The following GABRA4 variants were observed in gnomAD, a reference collection of about 807,000 sequenced individuals.
GABRA4 encodes the protein gamma-aminobutyric acid type A receptor subunit alpha4, also known as gamma-aminobutyric acid receptor subunit alpha-4.
Under a neutral mutation model 49.7 loss-of-function variants are expected in GABRA4, and 12 were observed. The observed-to-expected ratio is 0.24, with a 90% CI of 0.15 to 0.39. GABRA4 has a LOEUF of 0.39. Ranked by LOEUF, GABRA4 falls within the 10% of genes least tolerant of loss-of-function variation. GABRA4 has a pLI of 1.00. For synonymous variants in GABRA4, 288 were observed against 240.2 expected, an observed-to-expected ratio of 1.20 and a Z score of -1.84; for missense variants, 506 against 686.0, an observed-to-expected ratio of 0.74 and a Z score of 2.93.
At chr4:46,937,265 G>A (rs1460886033) in intron 8 of GABRA4, among the ~76,000 whole-genome samples, 1 of 152,154 alleles carries the variant, frequency 6.6e-6, no homozygotes, top group East Asian at 1.9e-4. Flanking sequence ...AACCCTGTTG[G>A]AACCTTTATC....
intron 8 of GABRA4, among the ~76,000 whole-genome samples, chr4:46,954,023 A>C (rs1392296223): frequency 1.6e-4 from 25 of 152,136 alleles, no homozygotes; most frequent in Admixed American, 1.6e-3. Context: ...CAATTTTCTC[A>C]TCTGTAAAAA....
intron 6 of GABRA4, among the ~76,000 whole-genome samples, chr4:46,973,471 C>T (rs1447507172): frequency 6.6e-6 from 1 of 151,718 alleles, no homozygotes; most frequent in East Asian, 1.9e-4. Flanking sequence ...TCATCTTAGA[C>T]TTGTCAGCCT....
Position 46,922,379 on chromosome 4 carries a change from C to T in GABRA4, c.*5846G>A, listed in dbSNP as rs1371280492. ...CTGTGGGCTGATCTGACTCACCCTC[C>T]CACCACTTCCCACACTGTAGTTCAG... On this transcript the variant is annotated 3_prime_UTR_variant, in exon 9 of 9. Coordinates refer to ENST00000264318, the MANE Select transcript of GABRA4 (RefSeq NM_000809.4). 6.6e-6 allele frequency: 1 copy of T among 152,068 alleles called. No individual in the cohort carries two copies. Among genetic ancestry groups the T allele is most frequent in the Admixed American group, 6.6e-5 (1 of 15,246 alleles). 9.4% of individuals were successfully genotyped at this position (152,068 alleles called of 1,614,324 possible).
Position 46,928,355 on chromosome 4 carries a change from C to G in GABRA4, c.1535G>C (p.Gly512Ala). 6.2e-7 allele frequency: 1 copy of G among 1,613,530 alleles called. No individual in the cohort carries two copies. The highest frequency in any genetic ancestry group is 8.5e-7 in the Non-Finnish European group (1 of 1,179,648). The change falls in exon 9 of 9, where the codon GGA becomes GCA. Residue 512 changes from glycine (G) to alanine (A), a missense_variant. Coordinates refer to ENST00000264318, the MANE Select transcript of GABRA4 (RefSeq NM_000809.4). ...TTTGTCTATTTTACTTGTGCCAGAT[C>G]CAGAAGGTGGTGGAGCCGATGGAGG... Reference protein sequence around the residue: ...TPPPSAPPPSGSGTSKIDKYA... With the variant: ...TPPPSAPPPSASGTSKIDKYA...
chr4:46,990,982 C>T (rs1290474527), intron 2 of GABRA4, among the ~76,000 whole-genome samples: 3 of 152,270 alleles, frequency 2.0e-5, no homozygotes, highest in Non-Finnish European at 4.4e-5. Context: ...AGTTCGAGAC[C>T]AGCCTGGCCA....
chr4:46,959,896 T>C (rs1362366902), intron 8 of GABRA4, among the ~76,000 whole-genome samples: 1 of 150,348 alleles, frequency 6.7e-6, no homozygotes, highest in Non-Finnish European at 1.5e-5. Flanking sequence ...TACGTGGACC[T>C]ACAGCAATCC....
At chr4:46,992,752 T>G (rs1392523204) in intron 2 of GABRA4, 76 bp downstream of exon 2, 2 of 1,043,288 alleles carry the variant, frequency 1.9e-6, no homozygotes, top group Non-Finnish European at 3.0e-6. Flanking sequence ...CCTAATGATA[T>G]TCCCACAGAC....
At chr4:46,952,434 A>T (rs1317702972) in intron 8 of GABRA4, among the ~76,000 whole-genome samples, 1 of 152,088 alleles carries the variant, frequency 6.6e-6, no homozygotes, top group Non-Finnish European at 1.5e-5. Flanking sequence ...ACTGTTGCAA[A>T]ATTGATCAAA....
intron 8 of GABRA4, among the ~76,000 whole-genome samples, chr4:46,960,695 T>A (rs1722544947): frequency 6.6e-6 from 1 of 151,560 alleles, no homozygotes; most frequent in Admixed American, 6.6e-5. Flanking sequence ...ATATTACATA[T>A]CTAAAGGTAT....
intron 8 of GABRA4, among the ~76,000 whole-genome samples, chr4:46,949,294 A>C (rs918372042): frequency 1.3e-5 from 2 of 152,162 alleles, no homozygotes; most frequent in African/African-American, 4.8e-5. Flanking sequence ...TATGTCTATT[A>C]CAGTCACATA....
At chr4:46,958,599 G>A (rs1443839883) in intron 8 of GABRA4, among the ~76,000 whole-genome samples, 1 of 151,840 alleles carries the variant, frequency 6.6e-6, no homozygotes, top group Non-Finnish European at 1.5e-5. Flanking sequence ...TAAGAACAGG[G>A]ACAAATGCAG....
At chr4:46,973,637 A>T (rs1378990233) in intron 6 of GABRA4, among the ~76,000 whole-genome samples, 1 of 151,878 alleles carries the variant, frequency 6.6e-6, no homozygotes, top group Admixed American at 6.6e-5. Context: ...AGCAATAATC[A>T]GCTAATTTTT....
chr4:46,979,232 A>T, intron 2 of GABRA4, 134 bp from the exon 3 acceptor site: 1 of 612,708 alleles, frequency 1.6e-6, no homozygotes, highest in South Asian at 2.2e-5. Context: ...TCAGTGAGAT[A>T]ATGAATCTCT....
rs1273404039 is a variant in GABRA4, at chr4:46,923,728, G to C, written c.*4497C>G. ...GCTTTCTCTAAAACAGAAAAATAAG[G>C]ATGTTAGTTTTCATCGTATTATTCT... On this transcript the variant is annotated 3_prime_UTR_variant, in exon 9 of 9. Coordinates refer to ENST00000264318, the MANE Select transcript of GABRA4 (RefSeq NM_000809.4). The C allele has an allele frequency of 1.3e-5, 2 of 151,944 alleles. No homozygotes were observed. The highest frequency in any genetic ancestry group is 4.2e-4 in the South Asian group (2 of 4,810). 9.4% of individuals were successfully genotyped at this position (151,944 alleles called of 1,614,324 possible). A position where few individuals can be genotyped will look rare whatever the true frequency, so the allele number is the denominator to read the frequency against.
rs1721008657 is a variant in GABRA4 at position 46,921,087 on chromosome 4, G to A, written c.*7138C>T. ...ATGTTTGTCTCTAGTAAAAGGAAAGGATAACATTTTATTCAAAATTTCTTT... is the reference window on the plus strand; with the variant it reads ...ATGTTTGTCTCTAGTAAAAGGAAAGAATAACATTTTATTCAAAATTTCTTT... On this transcript the variant is annotated 3_prime_UTR_variant, in exon 9 of 9. Coordinates refer to ENST00000264318, the MANE Select transcript of GABRA4 (RefSeq NM_000809.4). 6.6e-6 allele frequency: 1 copy of A among 151,168 alleles called. No individual in the cohort carries two copies. The highest frequency in any genetic ancestry group is 1.5e-5 in the Non-Finnish European group (1 of 67,676). 9.4% of individuals were successfully genotyped at this position (151,168 alleles called of 1,614,324 possible).
At chr4:46,952,060 G>A (rs1317896590) in intron 8 of GABRA4, among the ~76,000 whole-genome samples, 1 of 152,058 alleles carries the variant, frequency 6.6e-6, no homozygotes, top group Non-Finnish European at 1.5e-5. Context: ...AAGAGAGACA[G>A]AGAGTCTGAG....
intron 2 of GABRA4, among the ~76,000 whole-genome samples, chr4:46,984,402 T>C (rs1723463820): frequency 6.6e-6 from 1 of 152,042 alleles, no homozygotes. Flanking sequence ...ATACAAGCCT[T>C]CCTGAATACT....
chr4:46,974,440 A>C, intron 5 of GABRA4, 65 bp from the exon 6 acceptor site: 1 of 1,409,828 alleles, frequency 7.1e-7, no homozygotes, highest in Non-Finnish European at 9.6e-7. Flanking sequence ...AGTGGTCAAC[A>C]CTTAAAAACA....
rs1720922561 is a variant in GABRA4 at position 46,920,060 on chromosome 4, T to G, written c.*8165A>C. 2 of 151,632 alleles carry G rather than the reference T, an allele frequency of 1.3e-5. No individual in the cohort carries two copies. The highest frequency in any genetic ancestry group is 1.3e-4 in the Admixed American group (2 of 15,196). The allele number at this position is 151,632 out of a possible 1,614,324, so 9.4% of individuals were successfully genotyped here. On this transcript the variant is annotated 3_prime_UTR_variant, in exon 9 of 9. Transcript: ENST00000264318. ...AAAATGACAAGCCAACATGCTGCAC[T>G]GTGTTAGCAACATCTGTAAAGACAA...
Sources: gnomAD v4.1 joint callset for allele counts (sites outside exome capture counted in the v4.1 genomes callset) on GRCh38, gnomAD v4.1.1 for gene constraint, MANE v1.5 for transcripts, NCBI Gene and HGNC (gene_info 2026-07-23, HGNC 2026-07-21) for gene names.